PRDM5: variants seen among roughly 807,000 people sequenced by gnomAD.
PRDM5 encodes PR/SET domain 5, also known as PR domain zinc finger protein 5.
Under a neutral mutation model 81.2 loss-of-function variants are expected in PRDM5, and 56 were observed. The observed-to-expected ratio is 0.69, with a 90% CI of 0.56 to 0.86. The LOEUF (loss-of-function observed/expected upper bound fraction) is 0.86. Ranked by LOEUF, PRDM5 falls within the 40% of genes least tolerant of loss-of-function variation. The probability of loss-of-function intolerance (pLI) is 0.00; values close to 1 mark genes in which losing one functional copy is unlikely to be tolerated. For missense variants in PRDM5, 697 were observed against 770.1 expected, an observed-to-expected ratio of 0.91 and a Z score of 1.12; for synonymous variants, 267 against 256.4, an observed-to-expected ratio of 1.04 and a Z score of -0.39.
chr4:120,784,877 T>G, intron 11 of PRDM5, 121 bp downstream of exon 11: 1 of 752,974 alleles, frequency 1.3e-6, no homozygotes, highest in Non-Finnish European at 2.1e-6. Flanking sequence ...TTTCTTATGT[T>G]TACAGTCAGA....
chr4:120,811,370 C>T lies in PRDM5; in HGVS notation c.945G>A (p.Lys315=). Residue 315 remains lysine (K), a splice_region_variant and synonymous_variant, in exon 8 of 16, where the codon AAG becomes AAA. Transcript: ENST00000264808. ...SSASSLQEHR[K]IHEIFDCQEC... is the part of the protein sequence containing the mutation. ...TGTGATGAATTTTTATCTTACTGACCTTTCTATGTTCCTGTAGGCTTGATG... is the reference window on the plus strand; with the variant it reads ...TGTGATGAATTTTTATCTTACTGACTTTTCTATGTTCCTGTAGGCTTGATG... 1 of 1,579,630 alleles carries T rather than the reference C, an allele frequency of 6.3e-7. No individual in the cohort carries two copies. Among genetic ancestry groups the T allele is most frequent in the Non-Finnish European group, 8.7e-7 (1 of 1,152,620 alleles).
intron 8 of PRDM5, among the ~76,000 whole-genome samples, chr4:120,803,750 T>G (rs1024903123): frequency 6.6e-6 from 1 of 152,166 alleles, no homozygotes; most frequent in Non-Finnish European, 1.5e-5. Flanking sequence ...TGCAAAAACA[T>G]GCCAAATTGT....
At position 120,799,707 on chromosome 4, in the gene PRDM5, T is replaced by C; in HGVS notation, c.984A>G (p.Lys328=). 1 of 1,613,002 alleles carries C rather than the reference T, an allele frequency of 6.2e-7. No homozygotes were observed. The highest frequency in any genetic ancestry group is 8.5e-7 in the Non-Finnish European group (1 of 1,179,682). ...EIFDCQECMK[K]FISANQLKRH... is the part of the protein sequence containing the mutation. ...GTTTTAGCTGATTAGCTGAAATAAA[T>C]TTCTTCATACATTCTTGACAATCAA... Residue 328 remains lysine, a synonymous_variant, in exon 9 of 16, where the codon AAA becomes AAG. Coordinates refer to ENST00000264808, the MANE Select transcript of PRDM5 (RefSeq NM_018699.4).
chr4:120,721,962 A>G (rs1412585011), intron 14 of PRDM5, among the ~76,000 whole-genome samples: 1 of 152,174 alleles, frequency 6.6e-6, no homozygotes, highest in Non-Finnish European at 1.5e-5. Flanking sequence ...AAAGAGAGAG[A>G]CAGAGTTGTC....
chr4:120,818,466 C>A lies in PRDM5; in HGVS notation c.537G>T (p.Glu179Asp). The change falls in exon 5 of 16, where the codon GAG (glutamate) becomes GAT (aspartate). Residue 179 changes from glutamate (E) to aspartate (D), a missense_variant. By Grantham distance (45) the Glu-to-Asp change is conservative (BLOSUM62 2). Coordinates refer to ENST00000264808, the MANE Select transcript of PRDM5 (RefSeq NM_018699.4). ...TCTGGAGATGCTCAGCAAGAATATC[C>A]TCACTGGTAAAACTCGATTCACATT... is the stretch of plus-strand genomic sequence containing the variant. ...CPQCESSFTS[E>D]DILAEHLQTL... 6.2e-7 allele frequency: 1 copy of A among 1,613,700 alleles called. No individual in the cohort carries two copies. The highest frequency in any genetic ancestry group is 8.5e-7 in the Non-Finnish European group (1 of 1,179,638).
chr4:120,809,800 A>C (rs906979869), intron 8 of PRDM5, among the ~76,000 whole-genome samples: 4 of 152,242 alleles, frequency 2.6e-5, no homozygotes, highest in African/African-American at 9.6e-5. Flanking sequence ...GAAAGGCTGA[A>C]TAGTGAAGGA....
chr4:120,749,645 C>T (rs150491631), intron 14 of PRDM5, among the ~76,000 whole-genome samples: 3 of 152,316 alleles, frequency 2.0e-5, no homozygotes, highest in African/African-American at 7.2e-5. Flanking sequence ...ACACCTGCCA[C>T]GTCCCATATG....
intron 1 of PRDM5, among the ~76,000 whole-genome samples, chr4:120,915,313 A>C (rs1036102327): frequency 6.6e-6 from 1 of 152,200 alleles, no homozygotes; most frequent in African/African-American, 2.4e-5. Flanking sequence ...CAAGTAAAAA[A>C]TCAACTAACA....
At chr4:120,807,603 A>G (rs1578817189) in intron 8 of PRDM5, among the ~76,000 whole-genome samples, 2 of 152,180 alleles carry the variant, frequency 1.3e-5, no homozygotes, top group South Asian at 4.1e-4. Flanking sequence ...TCAGCAAACT[A>G]TGTGTCCGGA....
At chr4:120,770,512 AT>A (rs1349062642) in intron 13 of PRDM5, among the ~76,000 whole-genome samples, 5 of 149,896 alleles carry the variant, frequency 3.3e-5, no homozygotes, top group African/African-American at 1.2e-4. Flanking sequence ...TTATTTGATC[AT>A]AGTTTTACGT....
chr4:120,909,967 T>C (rs914869556), intron 1 of PRDM5, among the ~76,000 whole-genome samples: 3 of 152,146 alleles, frequency 2.0e-5, no homozygotes, highest in Middle Eastern at 3.4e-3. Context: ...AAAACTGAGA[T>C]ACTTAATATT....
At chr4:120,797,303 A>G (rs1751473603) in intron 10 of PRDM5, among the ~76,000 whole-genome samples, 1 of 152,192 alleles carries the variant, frequency 6.6e-6, no homozygotes, top group Admixed American at 6.5e-5. Flanking sequence ...ATACTATTAC[A>G]TATGTAGACA....
chr4:120,879,619 ATACTG>A, intron 2 of PRDM5, among the ~76,000 whole-genome samples: 1 of 152,344 alleles, frequency 6.6e-6, no homozygotes, highest in South Asian at 2.1e-4. Context: ...TATTGTAAGA[ATACTG>A]TACATAATAC....
At chr4:120,688,321 A>T (rs1046874023), downstream of PRDM5, among the ~76,000 whole-genome samples, 1 of 151,548 alleles carries the variant, frequency 6.6e-6, no homozygotes, top group Non-Finnish European at 1.5e-5. Flanking sequence ...CCATTTTTCA[A>T]TTGGGTTGTT....
chr4:120,741,151 T>G (rs1209326651), intron 14 of PRDM5, among the ~76,000 whole-genome samples: 2 of 152,148 alleles, frequency 1.3e-5, no homozygotes, highest in African/African-American at 2.4e-5. Flanking sequence ...AATGTGTCCA[T>G]GAGGATTTCA....
downstream of PRDM5, among the ~76,000 whole-genome samples, chr4:120,687,992 A>G (rs112309697): frequency 6.4e-3 from 968 of 152,288 alleles, 7 homozygotes; most frequent in Middle Eastern, 0.041. Context: ...ACTAATACAG[A>G]TTAGTAACAA....
At chr4:120,831,076 T>A (rs115409648) in intron 3 of PRDM5, among the ~76,000 whole-genome samples, 3,442 of 152,004 alleles carry the variant, frequency 0.023, 124 homozygotes, top group African/African-American at 0.078. Flanking sequence ...TGAAAAAAAA[T>A]ATATATACTT....
At chr4:120,907,757 A>T (rs1450657101) in intron 1 of PRDM5, among the ~76,000 whole-genome samples, 200 bp from the exon 2 acceptor site, 1 of 152,250 alleles carries the variant, frequency 6.6e-6, no homozygotes, top group Admixed American at 6.5e-5. Context: ...AAAACGCTAA[A>T]TCCACAACAT....
chr4:120,696,188 G>A (rs1320734813), intron 15 of PRDM5, among the ~76,000 whole-genome samples: 1 of 152,070 alleles, frequency 6.6e-6, no homozygotes, highest in Admixed American at 6.6e-5. Flanking sequence ...AATGAATTTT[G>A]ACACAGAAGT....
Sources: allele counts gnomAD v4.1 joint callset (sites outside exome capture counted in the v4.1 genomes callset), GRCh38; gene constraint gnomAD v4.1.1; transcripts MANE v1.5; gene names NCBI Gene and HGNC (gene_info 2026-07-23, HGNC 2026-07-21).